Variants in DNAJB6 observed in about 807,000 individuals in gnomAD.
DNAJB6 encodes the protein dnaJ homolog subfamily B member 6.
In DNAJB6, 16 loss-of-function variants were observed where a neutral mutation model predicts 42.7. The observed-to-expected ratio is 0.37, with a 90% CI of 0.25 to 0.57. The LOEUF (loss-of-function observed/expected upper bound fraction) is 0.57, where lower values mean the gene tolerates loss of function less well. Ranked by LOEUF, DNAJB6 falls within the 20% of genes least tolerant of loss-of-function variation. The pLI is 0.74. For missense variants in DNAJB6, 347 were observed against 416.8 expected (o/e 0.83, Z 1.46); for synonymous variants, 170 against 163.5 (o/e 1.04, Z -0.30).
intron 8 of DNAJB6, chr7:157,386,007 C>T (rs913452424): frequency 5.0e-6 from 5 of 996,528 alleles, no homozygotes; most frequent in South Asian, 4.6e-5. Context: ...CACGTAGTGT[C>T]GGCCTGCTGT....
At chr7:157,392,887 T>A (rs1432953466) in intron 8 of DNAJB6, among the ~76,000 whole-genome samples, 5 of 152,250 alleles carry the variant, frequency 3.3e-5, no homozygotes, top group Non-Finnish European at 7.3e-5. Flanking sequence ...GTGTGTTTTC[T>A]GTTCTAACTT....
At chr7:157,382,563 A>T in intron 6 of DNAJB6, 186 bp downstream of exon 6, 2 of 418,466 alleles carry the variant, frequency 4.8e-6, no homozygotes, top group East Asian at 8.3e-5. Context: ...TAATCTTCCT[A>T]AGAATGTCGT....
intron 2 of DNAJB6, among the ~76,000 whole-genome samples, chr7:157,362,503 T>TA (rs1554456749): frequency 6.6e-6 from 1 of 152,058 alleles, no homozygotes; most frequent in Non-Finnish European, 1.5e-5. Flanking sequence ...GCCTCCTGAG[T>TA]AGCTGGGATT....
intron 1 of DNAJB6, among the ~76,000 whole-genome samples, chr7:157,350,114 C>T (rs1198237499): frequency 1.3e-5 from 2 of 152,112 alleles, no homozygotes; most frequent in Admixed American, 6.5e-5. Flanking sequence ...TTGTAGCATC[C>T]TGGTCCATTT....
At chr7:157,358,711 A>T in intron 2 of DNAJB6, 74 bp downstream of exon 2, 1 of 1,215,536 alleles carries the variant, frequency 8.2e-7, no homozygotes, top group Non-Finnish European at 1.2e-6. Context: ...AACTTCTTCT[A>T]TTGCCTATGA....
intron 8 of DNAJB6, among the ~76,000 whole-genome samples, chr7:157,390,418 CA>C (rs1801283623): frequency 6.6e-6 from 1 of 152,224 alleles, no homozygotes; most frequent in African/African-American, 2.4e-5. Context: ...TTAAACAGGG[CA>C]GCGCTGTCAT....
intron 2 of DNAJB6, among the ~76,000 whole-genome samples, chr7:157,361,670 T>C (rs1379986296): frequency 1.3e-5 from 2 of 152,214 alleles, no homozygotes; most frequent in African/African-American, 4.8e-5. Context: ...GTATGCTGCT[T>C]CTCTTTTTTA....
rs953620507 is a variant in DNAJB6, at chr7:157,416,313, C to T, written c.*215C>T. On this transcript the variant is annotated 3_prime_UTR_variant, in exon 10 of 10. Coordinates refer to ENST00000262177, the MANE Select transcript of DNAJB6 (RefSeq NM_058246.4). ...GGGACAGACGTTTGGGACTTGGCCG[C>T]GACTCTCTGCTTCTCTCCAGCTCTC... 11 of 604,608 alleles carry T rather than the reference C, an allele frequency of 1.8e-5. No homozygotes were observed. Among genetic ancestry groups the T allele is most frequent in the Admixed American group, 6.2e-5 (2 of 32,260 alleles). 37.5% of individuals were successfully genotyped at this position (604,608 alleles called of 1,614,324 possible).
chr7:157,378,252 GT>G (rs1800571068), intron 5 of DNAJB6: 1 of 152,194 alleles, frequency 6.6e-6, no homozygotes, highest in Non-Finnish European at 1.5e-5. Flanking sequence ...GTGAGGTAAA[GT>G]AAAAAAGAAG....
intron 8 of DNAJB6, among the ~76,000 whole-genome samples, chr7:157,405,113 C>T (rs1030334400): frequency 6.6e-6 from 1 of 152,182 alleles, no homozygotes; most frequent in African/African-American, 2.4e-5. Flanking sequence ...ACACGTGCTG[C>T]AGAACACTAC....
chr7:157,355,733 C>T (rs1799239472), intron 1 of DNAJB6, among the ~76,000 whole-genome samples: 1 of 152,178 alleles, frequency 6.6e-6, no homozygotes, highest in African/African-American at 2.4e-5. Context: ...GGGTGGCTCT[C>T]ATACTGCCTT....
chr7:157,381,228 C>T (rs1800749521), intron 5 of DNAJB6: 1 of 152,040 alleles, frequency 6.6e-6, no homozygotes. Flanking sequence ...CAAATGTATC[C>T]ACTCCCTGCT....
intron 3 of DNAJB6, among the ~76,000 whole-genome samples, chr7:157,365,157 T>C (rs933983839): frequency 2.5e-4 from 38 of 152,382 alleles, no homozygotes; most frequent in Admixed American, 2.2e-3. Flanking sequence ...TTTTGCCGTG[T>C]TGCCCAGGCT....
intron 8 of DNAJB6, among the ~76,000 whole-genome samples, chr7:157,389,656 T>C (rs1563141791): frequency 6.6e-6 from 1 of 152,170 alleles, no homozygotes; most frequent in Non-Finnish European, 1.5e-5. Flanking sequence ...ATGGTTGAAA[T>C]GGGGTAGACC....
intron 5 of DNAJB6, among the ~76,000 whole-genome samples, chr7:157,370,306 A>C (rs1012127161): frequency 1.1e-4 from 16 of 151,140 alleles, no homozygotes; most frequent in East Asian, 7.7e-4. Context: ...GCCCCTTCTT[A>C]ACATTATTAT....
At chr7:157,365,598 A>AT (rs2116985547) in intron 3 of DNAJB6, among the ~76,000 whole-genome samples, 1 of 152,304 alleles carries the variant, frequency 6.6e-6, no homozygotes, top group Non-Finnish European at 1.5e-5. Flanking sequence ...TGGTCGTGTG[A>AT]TTTTAATGTA....
intron 3 of DNAJB6, among the ~76,000 whole-genome samples, chr7:157,364,315 C>T (rs1799745759): frequency 6.6e-6 from 1 of 152,018 alleles, no homozygotes; most frequent in Non-Finnish European, 1.5e-5. Context: ...CTGTGGCCCA[C>T]CCCCTTTGTT....
chr7:157,400,685 T>C (rs1297605274), intron 8 of DNAJB6, among the ~76,000 whole-genome samples: 2 of 152,132 alleles, frequency 1.3e-5, no homozygotes, highest in Admixed American at 1.3e-4. Flanking sequence ...GTGTCAGCTG[T>C]GGGTCCGGGA....
At chr7:157,408,857 T>G (rs1360127585) in intron 8 of DNAJB6, among the ~76,000 whole-genome samples, 1 of 152,250 alleles carries the variant, frequency 6.6e-6, no homozygotes, top group Non-Finnish European at 1.5e-5. Flanking sequence ...CTCTCTGCTG[T>G]GCCACGGGAG....
Sources: gnomAD v4.1 joint callset for allele counts (sites outside exome capture counted in the v4.1 genomes callset) on GRCh38, gnomAD v4.1.1 for gene constraint, MANE v1.5 for transcripts, NCBI Gene and HGNC (gene_info 2026-07-23, HGNC 2026-07-21) for gene names.